The following PCM1 variants were observed in gnomAD, a reference collection of about 807,000 sequenced individuals.
The protein encoded by PCM1 is pericentriolar material 1 protein.
A neutral mutation model predicts 241.9 loss-of-function variants in PCM1; 157 were observed. The observed-to-expected ratio is 0.65, with a 90% confidence interval of 0.57 to 0.74. The LOEUF is 0.74. Ranked by LOEUF, PCM1 falls within the 30% of genes least tolerant of loss-of-function variation. The pLI is 0.00. For synonymous variants in PCM1, 1,085 were observed against 784.9 expected (o/e 1.38, Z -6.39); for missense variants, 3,478 against 2,360.1 (o/e 1.47, Z -9.81).
intron 27 of PCM1, among the ~76,000 whole-genome samples, chr8:17,990,627 G>A (rs1394591078): frequency 5.9e-5 from 9 of 152,086 alleles, no homozygotes; most frequent in South Asian, 2.1e-4. Context: ...TACTTGATAC[G>A]TTTCTAGACT....
At chr8:17,924,300 T>C (rs934588108) in intron 1 of PCM1, among the ~76,000 whole-genome samples, 2 of 152,232 alleles carry the variant, frequency 1.3e-5, no homozygotes, top group South Asian at 4.1e-4. Flanking sequence ...GAGGTTATTT[T>C]ATTATGAAGT....
chr8:17,966,548 G>A, intron 20 of PCM1, 75 bp downstream of exon 20: 1 of 1,367,934 alleles, frequency 7.3e-7, no homozygotes, highest in Non-Finnish European at 1.0e-6. Context: ...TAGCTTCTGG[G>A]AGAAAAGAGC....
chr8:18,026,514 C>T (rs1485709232), intron 38 of PCM1, among the ~76,000 whole-genome samples: 1 of 151,714 alleles, frequency 6.6e-6, no homozygotes, highest in Non-Finnish European at 1.5e-5. Flanking sequence ...CTGCCTCAGC[C>T]TCCCAAAGTG....
rs866582004 is a variant in PCM1, at chr8:18,011,706, G to A, written c.5390G>A (p.Gly1797Glu). 9 of 1,612,712 alleles carry A rather than the reference G, an allele frequency of 5.6e-6. No homozygotes were observed. The Middle Eastern group carries it at 1.5e-3, about 266-fold the overall frequency. The change falls in exon 34 of 39, where the codon GGA (glycine) becomes GAA (glutamate). Residue 1797 changes from glycine (G) to glutamate (E), a missense_variant. Coordinates refer to ENST00000325083, the MANE Select transcript of PCM1 (RefSeq NM_006197.4). ...KAETQALTNY[G>E]SGEDENEDEE... ...GAAACTCAGGCTTTAACTAATTATG[G>A]AAGTGGAGAAGATGAAAATGAGGAT...
In PCM1 at chr8:17,963,057, C is replaced by G. The variant is rs770995058; in HGVS notation, c.2464-44C>G. Reference sequence around the variant, plus strand: ...AGTCTTTTACTCTTTTAGGCTACAGCAAATCCAAATATTTATTTAACTCTG... The same window carrying G: ...AGTCTTTTACTCTTTTAGGCTACAGGAAATCCAAATATTTATTTAACTCTG... On this transcript the variant is annotated intron_variant, in intron 16 of 38. Transcript: ENST00000325083. The G allele has an allele frequency of 6.2e-6, 9 of 1,457,008 alleles. 1 individual carries two copies. The South Asian group carries it at 9.9e-5, about 16-fold the overall frequency. The allele number at this position is 1,457,008 out of a possible 1,614,324, so 90.3% of individuals were successfully genotyped here. A position where few individuals can be genotyped will look rare whatever the true frequency, so the allele number is the denominator to read the frequency against.
At position 17,956,599 on chromosome 8, in the gene PCM1, A is replaced by G. The variant is rs1324626691; in HGVS notation, c.1473-5A>G. 1 of 1,559,832 alleles carries G rather than the reference A, an allele frequency of 6.4e-7. No individual in the cohort carries two copies. The highest frequency in any genetic ancestry group is 1.2e-5 in the South Asian group (1 of 84,650). ...AATCGTATACATAAATTTTTTGTTTATCAGGAAGTTAAATGAAGTTCGAAA... is the reference window on the plus strand; with the variant it reads ...AATCGTATACATAAATTTTTTGTTTGTCAGGAAGTTAAATGAAGTTCGAAA... On this transcript the variant is annotated splice_polypyrimidine_tract_variant and splice_region_variant and intron_variant, in intron 10 of 38. Transcript: ENST00000325083.
At chr8:17,953,207 A>G (rs1292696170) in intron 9 of PCM1, 21 bp downstream of exon 9, 18 of 1,340,144 alleles carry the variant, frequency 1.3e-5, no homozygotes, top group Non-Finnish European at 1.7e-5. Context: ...CTGGTTCAGC[A>G]GTATTGGGTA....
At chr8:17,980,826 A>G in intron 24 of PCM1, 71 bp downstream of exon 24, 2 of 1,236,748 alleles carry the variant, frequency 1.6e-6, no homozygotes, top group Non-Finnish European at 2.2e-6. Context: ...ATAATAAAGC[A>G]GGTGTTAAAA....
At chr8:18,018,852 G>GTGTATA (rs1409126217) in intron 36 of PCM1, among the ~76,000 whole-genome samples, 2 of 53,742 alleles carry the variant, frequency 3.7e-5, no homozygotes, top group Non-Finnish European at 8.8e-5. Flanking sequence ...GTGTGTGTGT[G>GTGTATA]TATATATATA....
chr8:18,014,689 C>G lies in PCM1; in HGVS notation c.5690C>G (p.Ser1897Ter). ...AAGGAGTCACCTCCTACTGTTGATT[C>G]AACTCAACAGCCTAACCCTTTGCCG... ...AHKESPPTVD[S>*]TQQPNPLPLR... The change falls in exon 36 of 39, where the codon TCA becomes TGA. Residue 1897 changes from serine to a stop codon, truncating the protein, a stop_gained. Coordinates refer to ENST00000325083, the MANE Select transcript of PCM1 (RefSeq NM_006197.4). LOFTEE classifies it high-confidence loss of function. 1 of 1,613,634 alleles carries G rather than the reference C, an allele frequency of 6.2e-7. No individual in the cohort carries two copies. The highest frequency in any genetic ancestry group is 8.5e-7 in the Non-Finnish European group (1 of 1,179,754).
At chr8:17,959,320 C>CAT (rs376812173) in intron 13 of PCM1, among the ~76,000 whole-genome samples, 53 of 74,394 alleles carry the variant, frequency 7.1e-4, no homozygotes, top group East Asian at 2.0e-3. Flanking sequence ...AATAATACTG[C>CAT]ATATATATAT....
intron 13 of PCM1, among the ~76,000 whole-genome samples, chr8:17,959,332 T>TAC (rs1181646211): frequency 1.3e-4 from 1 of 7,926 alleles, no homozygotes; most frequent in African/African-American, 8.7e-4. Context: ...TATATATATA[T>TAC]ACACACAGTA....
chr8:17,968,056 A>G (rs1361141014), intron 21 of PCM1, among the ~76,000 whole-genome samples: 1 of 98,416 alleles, frequency 1.0e-5, no homozygotes, highest in East Asian at 2.3e-4. Context: ...TTCCGCCGCC[A>G]AAAAAAAAAA....
intron 2 of PCM1, among the ~76,000 whole-genome samples, chr8:17,931,183 G>A (rs975712558): frequency 6.6e-6 from 1 of 152,136 alleles, no homozygotes; most frequent in South Asian, 2.1e-4. Flanking sequence ...TATTTTAGTA[G>A]TGTTCAAAGT....
At chr8:18,027,314 AT>A (rs1215235517) in intron 38 of PCM1, among the ~76,000 whole-genome samples, 1 of 152,070 alleles carries the variant, frequency 6.6e-6, no homozygotes, top group Non-Finnish European at 1.5e-5. Context: ...CATTCTGGTA[AT>A]TTGTTGATAT....
chr8:17,954,287 T>G (rs2067190106), intron 9 of PCM1, among the ~76,000 whole-genome samples: 1 of 151,436 alleles, frequency 6.6e-6, no homozygotes, highest in African/African-American at 2.4e-5. Context: ...AGTAGCCAGG[T>G]GTGGTGGTAC....
At chr8:18,007,193 C>G (rs926298950) in intron 30 of PCM1, among the ~76,000 whole-genome samples, 2 of 152,170 alleles carry the variant, frequency 1.3e-5, no homozygotes, top group Admixed American at 6.5e-5. Flanking sequence ...TTAGGTGATA[C>G]ATTTTTCTTC....
rs1234692558 is a variant in PCM1 at position 18,006,148 on chromosome 8, T to G, written c.4828-115T>G. The G allele has an allele frequency of 1.2e-5, 9 of 773,902 alleles. No individual in the cohort carries two copies. In the South Asian group the frequency reaches 2.3e-4, roughly 20 times the overall value. The allele number at this position is 773,902 out of a possible 1,614,324, so 47.9% of individuals were successfully genotyped here. On this transcript the variant is annotated intron_variant, in intron 29 of 38. Coordinates refer to ENST00000325083, the MANE Select transcript of PCM1 (RefSeq NM_006197.4). ...TATTTCTAAACAGACATCTGAAAAT[T>G]GAGGAGCATCTACGGCAAGAAAATT...
At chr8:17,975,049 G>T (rs1348718574) in intron 23 of PCM1, among the ~76,000 whole-genome samples, 1 of 152,078 alleles carries the variant, frequency 6.6e-6, no homozygotes, top group South Asian at 2.1e-4. Context: ...GTGCTTTTGG[G>T]CCTCACCTTA....
Sources: allele counts gnomAD v4.1 joint callset (sites outside exome capture counted in the v4.1 genomes callset), GRCh38; gene constraint gnomAD v4.1.1; transcripts MANE v1.5; gene names NCBI Gene and HGNC (gene_info 2026-07-23, HGNC 2026-07-21).